Variants in AUTS2 observed in about 807,000 individuals in gnomAD.
AUTS2 encodes autism susceptibility gene 2 protein.
Under a neutral mutation model 112.4 loss-of-function variants are expected in AUTS2, and 17 were observed. That is an observed-to-expected ratio of 0.15 (90% confidence interval 0.10 to 0.23). AUTS2 has a LOEUF of 0.23. AUTS2 is among the 10% of genes least tolerant of loss of function. The pLI, the probability that AUTS2 is intolerant of heterozygous loss-of-function variation, is 1.00. For synonymous variants in AUTS2, 751 were observed against 702.7 expected, an observed-to-expected ratio of 1.07 and a Z score of -1.09; for missense variants, 1,510 against 1,701.6, an observed-to-expected ratio of 0.89 and a Z score of 1.98.
intron 4 of AUTS2, among the ~76,000 whole-genome samples, chr7:70,377,719 A>G (rs1270778356): frequency 6.6e-6 from 1 of 151,732 alleles, no homozygotes; most frequent in Non-Finnish European, 1.5e-5. Flanking sequence ...ATAAAAGTAG[A>G]AACAAATAGT....
chr7:69,850,529 G>GT (rs1416354913), intron 1 of AUTS2, among the ~76,000 whole-genome samples: 3 of 147,826 alleles, frequency 2.0e-5, no homozygotes, highest in Non-Finnish European at 4.5e-5. Context: ...AATTGTTGCT[G>GT]TTTTTTAATA....
At chr7:69,822,066 T>TG (rs1201396613) in intron 1 of AUTS2, among the ~76,000 whole-genome samples, 1 of 151,978 alleles carries the variant, frequency 6.6e-6, no homozygotes, top group Non-Finnish European at 1.5e-5. Flanking sequence ...GGGAAGTAGA[T>TG]GGGTTAGAAG....
Position 70,579,244 on chromosome 7 carries a change from T to TAAAA in AUTS2, c.691-119310_691-119307dup, listed in dbSNP as rs10611601. On this transcript the variant is annotated intron_variant, in intron 5 of 18. Coordinates refer to ENST00000342771, the MANE Select transcript of AUTS2 (RefSeq NM_015570.4). ...ATGCCCAGCCTTATATTCTCTTTTC[T>TAAAA]AAAAAAAAAAAAAAAAAAGATGAAG... Among the ~76,000 whole-genome samples, 134 of 55,900 alleles carry TAAAA rather than the reference T, an allele frequency of 2.4e-3. 15 individuals carry two copies. Among genetic ancestry groups the TAAAA allele is most frequent in the African/African-American group, 5.1e-3 (74 of 14,504 alleles). 36.7% of individuals were successfully genotyped at this position (55,900 alleles called of 152,430 possible).
chr7:70,346,354 G>A (rs972386147), intron 4 of AUTS2, among the ~76,000 whole-genome samples: 1 of 152,090 alleles, frequency 6.6e-6, no homozygotes, highest in African/African-American at 2.4e-5. Flanking sequence ...CCTCACACAG[G>A]GATTGGCCAT....
At chr7:70,061,320 C>G (rs1373107206) in intron 2 of AUTS2, among the ~76,000 whole-genome samples, 1 of 152,166 alleles carries the variant, frequency 6.6e-6, no homozygotes, top group Non-Finnish European at 1.5e-5. Flanking sequence ...TCCTCAGTCC[C>G]CAAGAGGAAA....
At chr7:69,644,715 A>G (rs1173134569) in intron 1 of AUTS2, among the ~76,000 whole-genome samples, 1 of 152,164 alleles carries the variant, frequency 6.6e-6, no homozygotes, top group Non-Finnish European at 1.5e-5. Flanking sequence ...TAGGCACTCA[A>G]GACAATATGA....
chr7:70,114,564 G>A (rs909386406), intron 2 of AUTS2, among the ~76,000 whole-genome samples: 2 of 152,126 alleles, frequency 1.3e-5, no homozygotes, highest in African/African-American at 4.8e-5. Flanking sequence ...AGGCCGAGGT[G>A]GGCAGATCAC....
At chr7:69,953,429 G>A (rs144798275) in intron 2 of AUTS2, among the ~76,000 whole-genome samples, 1 of 152,236 alleles carries the variant, frequency 6.6e-6, no homozygotes, top group East Asian at 1.9e-4. Context: ...GGCAGCTGCT[G>A]TATTAAGCCC....
At chr7:69,982,314 G>A (rs1346918034) in intron 2 of AUTS2, among the ~76,000 whole-genome samples, 2 of 152,092 alleles carry the variant, frequency 1.3e-5, no homozygotes, top group African/African-American at 4.8e-5. Context: ...CTCTCTCAGG[G>A]GACTGAAGCA....
intron 6 of AUTS2, among the ~76,000 whole-genome samples, chr7:70,704,257 G>A (rs1585538751): frequency 6.6e-6 from 1 of 152,200 alleles, no homozygotes; most frequent in East Asian, 1.9e-4. Context: ...ATTGTGAACC[G>A]GGTGGAAGAT....
intron 4 of AUTS2, among the ~76,000 whole-genome samples, chr7:70,317,333 A>G (rs893936930): frequency 6.6e-6 from 1 of 152,156 alleles, no homozygotes; most frequent in African/African-American, 2.4e-5. Flanking sequence ...GTCATTTGCC[A>G]TGGAAAGATG....
intron 1 of AUTS2, among the ~76,000 whole-genome samples, chr7:69,605,083 C>G (rs751822942): frequency 6.6e-6 from 1 of 152,180 alleles, no homozygotes; most frequent in African/African-American, 2.4e-5. Context: ...TGCCTAATTT[C>G]CTAAATCTAT....
At chr7:69,821,833 T>C (rs888602176) in intron 1 of AUTS2, among the ~76,000 whole-genome samples, 1 of 150,602 alleles carries the variant, frequency 6.6e-6, no homozygotes, top group Non-Finnish European at 1.5e-5. Flanking sequence ...AGAGGATCGA[T>C]TGAGCTCAGG....
At chr7:69,724,160 A>G (rs1207090730) in intron 1 of AUTS2, among the ~76,000 whole-genome samples, 1 of 152,158 alleles carries the variant, frequency 6.6e-6, no homozygotes, top group Non-Finnish European at 1.5e-5. Context: ...TGTCACCAAC[A>G]TATTGTATGT....
At chr7:69,682,020 C>T (rs1475158379) in intron 1 of AUTS2, among the ~76,000 whole-genome samples, 4 of 152,132 alleles carry the variant, frequency 2.6e-5, no homozygotes, top group East Asian at 3.9e-4. Flanking sequence ...AATAATAATA[C>T]GTTTGTGAGA....
At chr7:70,260,754 CT>C (rs796312266) in intron 4 of AUTS2, among the ~76,000 whole-genome samples, 233 of 144,482 alleles carry the variant, frequency 1.6e-3, no homozygotes, top group Middle Eastern at 3.6e-3. Context: ...CCTTTTTACA[CT>C]TTTTTTTTTT....
At chr7:69,759,712 A>G (rs890262201) in intron 1 of AUTS2, among the ~76,000 whole-genome samples, 7 of 140,132 alleles carry the variant, frequency 5.0e-5, no homozygotes, top group African/African-American at 1.4e-4. Context: ...TGTATTATAT[A>G]ATATAGCTTT....
intron 5 of AUTS2, among the ~76,000 whole-genome samples, chr7:70,650,408 G>A (rs937261060): frequency 6.6e-6 from 1 of 152,184 alleles, no homozygotes; most frequent in African/African-American, 2.4e-5. Context: ...GCTCTTGCCT[G>A]GGCAACCAAC....
At chr7:70,235,030 A>G (rs10227424) in intron 4 of AUTS2, among the ~76,000 whole-genome samples, 12,269 of 152,258 alleles carry the variant, frequency 0.081, 639 homozygotes, top group African/African-American at 0.14. Flanking sequence ...TAATTGAAGG[A>G]CTTTCCTCAA....
Sources: allele counts gnomAD v4.1 joint callset (sites outside exome capture counted in the v4.1 genomes callset), GRCh38; gene constraint gnomAD v4.1.1; transcripts MANE v1.5; gene names NCBI Gene and HGNC (gene_info 2026-07-23, HGNC 2026-07-21).